The following TICAM2 variants were observed in gnomAD, a reference collection of about 807,000 sequenced individuals.
The protein encoded by TICAM2 is TIR domain containing adaptor molecule 2.
A neutral mutation model predicts 7.3 loss-of-function variants in TICAM2; 8 were observed. That is an observed-to-expected ratio of 1.10 (90% CI 0.65 to 1.99). The LOEUF (loss-of-function observed/expected upper bound fraction) is 1.99. Among genes scored for constraint, TICAM2 ranks in the 30% most tolerant of loss-of-function variants. The pLI, the probability that TICAM2 is intolerant of heterozygous loss-of-function variation, is 0.00. For synonymous variants in TICAM2, 113 were observed against 99.6 expected, an observed-to-expected ratio of 1.13 and a Z score of -0.80; for missense variants, 304 against 278.8, an observed-to-expected ratio of 1.09 and a Z score of -0.65.
rs373147383 is a variant in TICAM2, at chr5:115,590,033, T to C, written c.-59-8718A>G. Among the ~76,000 whole-genome samples, 15 of 152,316 alleles carry C rather than the reference T, an allele frequency of 9.8e-5. No individual in the cohort carries two copies. The East Asian group carries it at 2.7e-3, about 27-fold the overall frequency. On this transcript the variant is annotated intron_variant, in intron 1 of 1. Coordinates refer to ENST00000427199, the MANE Select transcript of TICAM2 (RefSeq NM_021649.7). ...GTTAGATTTTAAAAATGATCACTTA[T>C]ACTACATTTTTTAAATAATTATGTG... is the stretch of plus-strand genomic sequence containing the variant.
intron 1 of TICAM2, among the ~76,000 whole-genome samples, chr5:115,591,426 T>C (rs1412201501): frequency 1.3e-5 from 2 of 152,118 alleles, no homozygotes; most frequent in Admixed American, 6.6e-5. Flanking sequence ...CAAGCAAAAA[T>C]TAAATCCTCT....
chr5:115,580,390 T>C lies in TICAM2; in HGVS notation c.*159A>G, dbSNP rs1054324907. On this transcript the variant is annotated 3_prime_UTR_variant, in exon 2 of 2. Transcript: ENST00000427199. The stretch of plus-strand genomic sequence containing the variant: ...AACATCAAAAAGTACCACAATTTTA[T>C]AGGCTGTCCTGCAGAAATTTATCTT... 17 of 953,138 alleles carry C rather than the reference T, an allele frequency of 1.8e-5. No individual in the cohort carries two copies. Among genetic ancestry groups the C allele is most frequent in the Non-Finnish European group, 2.4e-5 (17 of 708,820 alleles). The allele number at this position is 953,138 out of a possible 1,614,324, so 59.0% of individuals were successfully genotyped here. A position where few individuals can be genotyped will look rare whatever the true frequency, so the allele number is the denominator to read the frequency against.
chr5:115,597,803 T>TG (rs1755567811), intron 1 of TICAM2, among the ~76,000 whole-genome samples: 1 of 152,142 alleles, frequency 6.6e-6, no homozygotes, highest in Admixed American at 6.5e-5. Context: ...CAGCCCTCCG[T>TG]ATGTGTGGGT....
In TICAM2 at chr5:115,580,485, C is replaced by G. The variant is rs1171509670; in HGVS notation, c.*64G>C. The G allele has an allele frequency of 2.2e-5, 32 of 1,467,320 alleles. No individual in the cohort carries two copies. The highest frequency in any genetic ancestry group is 1.6e-5 in the Non-Finnish European group (18 of 1,110,238). 90.9% of individuals were successfully genotyped at this position (1,467,320 alleles called of 1,614,324 possible). The stretch of plus-strand genomic sequence containing the variant: ...TTAAACATTTCCTAGAAACTGCTTT[C>G]TCAAGTGAAGATTAATCATTTGGTT... On this transcript the variant is annotated 3_prime_UTR_variant, in exon 2 of 2. Coordinates refer to ENST00000427199, the MANE Select transcript of TICAM2 (RefSeq NM_021649.7).
Position 115,580,530 on chromosome 5 carries a change from A to G in TICAM2, c.*19T>C. 6.4e-7 allele frequency: 1 copy of G among 1,555,806 alleles called. No individual in the cohort carries two copies. The highest frequency in any genetic ancestry group is 2.3e-5 in the East Asian group (1 of 43,696). On this transcript the variant is annotated 3_prime_UTR_variant, in exon 2 of 2. Transcript: ENST00000427199. ...TTGGTTTACAAAACAAGAGCCAGCCACATGTTATATGTTTCATCTCAGGCA... is the reference window on the plus strand; with the variant it reads ...TTGGTTTACAAAACAAGAGCCAGCCGCATGTTATATGTTTCATCTCAGGCA...
intron 1 of TICAM2, among the ~76,000 whole-genome samples, chr5:115,595,099 C>G (rs1045599108): frequency 6.6e-6 from 1 of 152,072 alleles, no homozygotes; most frequent in East Asian, 1.9e-4. Context: ...TACAGTCATT[C>G]CCTCTGTTGA....
chr5:115,583,002 C>A (rs1315483545), intron 1 of TICAM2, among the ~76,000 whole-genome samples: 5 of 152,168 alleles, frequency 3.3e-5, no homozygotes, highest in Non-Finnish European at 7.3e-5. Flanking sequence ...TCTCGCTCCA[C>A]GGTATATTGT....
At chr5:115,582,666 T>C (rs1754970907) in intron 1 of TICAM2, among the ~76,000 whole-genome samples, 1 of 152,206 alleles carries the variant, frequency 6.6e-6, no homozygotes, top group South Asian at 2.1e-4. Context: ...ATTTAGAATA[T>C]ATAAATACAG....
At chr5:115,591,413 G>C (rs1580413814) in intron 1 of TICAM2, among the ~76,000 whole-genome samples, 2 of 152,172 alleles carry the variant, frequency 1.3e-5, no homozygotes, top group East Asian at 3.9e-4. Context: ...CAGGAACCCG[G>C]CACAAGCAAA....
At position 115,581,194 on chromosome 5, in the gene TICAM2, G is replaced by A. The variant is rs768960678; in HGVS notation, c.63C>T (p.His21=). The A allele has an allele frequency of 4.3e-6, 7 of 1,612,962 alleles. No individual in the cohort carries two copies. Among genetic ancestry groups the A allele is most frequent in the South Asian group, 3.3e-5 (3 of 91,016 alleles). ...GATATCCTGGACTTGTATCCACACT[G>A]TGCCTTTTACCCCAAGAGAGAGAAA... ...CPLSLSWGKR[H]SVDTSPGYHE... Residue 21 remains histidine (H), a synonymous_variant, in exon 2 of 2, where the codon CAC becomes CAT. Transcript: ENST00000427199.
chr5:115,590,640 G>A (rs1755268423), intron 1 of TICAM2, among the ~76,000 whole-genome samples: 2 of 152,284 alleles, frequency 1.3e-5, no homozygotes, highest in South Asian at 4.2e-4. Context: ...TGTCTGAGCT[G>A]CTGACAATCA....
At chr5:115,593,457 A>G (rs1454835106) in intron 1 of TICAM2, among the ~76,000 whole-genome samples, 2 of 152,204 alleles carry the variant, frequency 1.3e-5, no homozygotes, top group East Asian at 3.8e-4. Flanking sequence ...AGTTGGGCAT[A>G]TATCTAACCA....
At chr5:115,598,436 C>T (rs191022688) in intron 1 of TICAM2, among the ~76,000 whole-genome samples, 17 of 152,276 alleles carry the variant, frequency 1.1e-4, no homozygotes, top group Admixed American at 7.8e-4. Flanking sequence ...TCATCTTCAT[C>T]GTACCTAAAA....
intron 1 of TICAM2, among the ~76,000 whole-genome samples, chr5:115,589,269 G>A (rs773136004): frequency 3.3e-5 from 5 of 152,174 alleles, no homozygotes; most frequent in Non-Finnish European, 4.4e-5. Flanking sequence ...ACTACAGCAC[G>A]GGAGTGTGCC....
At chr5:115,587,692 G>C (rs1755157670) in intron 1 of TICAM2, among the ~76,000 whole-genome samples, 1 of 152,168 alleles carries the variant, frequency 6.6e-6, no homozygotes, top group South Asian at 2.1e-4. Flanking sequence ...GGATGGAGTG[G>C]GTTGGGGGTG....
intron 1 of TICAM2, among the ~76,000 whole-genome samples, chr5:115,589,252 TC>T (rs1360763625): frequency 1.3e-5 from 2 of 152,174 alleles, no homozygotes; most frequent in Admixed American, 1.3e-4. Flanking sequence ...AGTGTGCTGA[TC>T]CCTCAACTAC....
At chr5:115,585,820 T>C (rs538962570) in intron 1 of TICAM2, among the ~76,000 whole-genome samples, 1 of 152,164 alleles carries the variant, frequency 6.6e-6, no homozygotes, top group South Asian at 2.1e-4. Context: ...GTTGCTGCAC[T>C]GAGAATAGAA....
intron 1 of TICAM2, among the ~76,000 whole-genome samples, chr5:115,601,297 T>A (rs1050689451): frequency 2.7e-5 from 4 of 146,400 alleles, no homozygotes; most frequent in African/African-American, 1.0e-4. Context: ...AAATACAGAT[T>A]CTGGAAATCA....
chr5:115,598,616 T>C (rs545123028), intron 1 of TICAM2, among the ~76,000 whole-genome samples: 9 of 152,344 alleles, frequency 5.9e-5, no homozygotes, highest in South Asian at 2.1e-4. Context: ...TTTGATACTA[T>C]TAATAACTTC....
Sources: gnomAD v4.1 joint callset for allele counts (sites outside exome capture counted in the v4.1 genomes callset) on GRCh38, gnomAD v4.1.1 for gene constraint, MANE v1.5 for transcripts, NCBI Gene and HGNC (gene_info 2026-07-23, HGNC 2026-07-21) for gene names.